Variants in RANBP3 observed in about 807,000 individuals in gnomAD.
RANBP3 encodes RAN binding protein 3, also known as ran-binding protein 3.
Under a neutral mutation model 77.3 loss-of-function variants are expected in RANBP3, and 14 were observed. That is an observed-to-expected ratio of 0.18 (90% CI 0.12 to 0.28). The LOEUF (loss-of-function observed/expected upper bound fraction) is 0.28, where lower values mean the gene tolerates loss of function less well. Ranked by LOEUF, RANBP3 falls within the 10% of genes least tolerant of loss-of-function variation. The pLI, the probability that RANBP3 is intolerant of heterozygous loss-of-function variation, is 1.00. For missense variants in RANBP3, 586 were observed against 752.3 expected, an observed-to-expected ratio of 0.78 and a Z score of 2.59; for synonymous variants, 315 against 312.4, an observed-to-expected ratio of 1.01 and a Z score of -0.09.
intron 3 of RANBP3, among the ~76,000 whole-genome samples, chr19:5,942,700 C>CAAAAA (rs11298054): frequency 3.3e-5 from 3 of 90,834 alleles, no homozygotes; most frequent in African/African-American, 4.3e-5. Context: ...GACTCTGTCT[C>CAAAAA]AAAAAAAAAA....
At chr19:5,944,940 G>A (rs1240869996) in intron 3 of RANBP3, among the ~76,000 whole-genome samples, 1 of 152,174 alleles carries the variant, frequency 6.6e-6, no homozygotes, top group African/African-American at 2.4e-5. Flanking sequence ...TGACTTCTGG[G>A]ACCAGGAGAT....
chr19:5,962,825 G>A, intron 1 of RANBP3: 1 of 448,850 alleles, frequency 2.2e-6, no homozygotes, highest in African/African-American at 2.0e-5. Context: ...CCCCATTCCA[G>A]GCAGGACCGC....
chr19:5,954,342 C>T (rs2058310451), intron 2 of RANBP3, among the ~76,000 whole-genome samples: 1 of 152,012 alleles, frequency 6.6e-6, no homozygotes, highest in African/African-American at 2.4e-5. Flanking sequence ...ATCTGAGGGG[C>T]AATTAGGACA....
chr19:5,932,582 C>G (rs1217869773), intron 6 of RANBP3, 38 bp from the exon 7 acceptor site: 1 of 1,550,946 alleles, frequency 6.4e-7, no homozygotes. Context: ...GCCCGTGGAC[C>G]CCTGCCTGCC....
At chr19:5,957,803 T>A in intron 2 of RANBP3, 115 bp downstream of exon 2, 1 of 1,110,424 alleles carries the variant, frequency 9.0e-7, no homozygotes, top group Non-Finnish European at 1.4e-6. Context: ...TCTGCTTAGG[T>A]CTCCCCGTCT....
intron 5 of RANBP3, chr19:5,934,358 G>A (rs1030210901): frequency 6.6e-6 from 1 of 152,228 alleles, no homozygotes; most frequent in Non-Finnish European, 1.5e-5. Flanking sequence ...GTAGCCCTGC[G>A]TTTGTGCTAA....
At chr19:5,929,327 C>A (rs1010735728) in intron 8 of RANBP3, among the ~76,000 whole-genome samples, 1 of 152,258 alleles carries the variant, frequency 6.6e-6, no homozygotes, top group Admixed American at 6.5e-5. Context: ...CCCAGCCCCA[C>A]TGGGGCCGCC....
chr19:5,976,070 T>G (rs1338768224), intron 1 of RANBP3, among the ~76,000 whole-genome samples: 4 of 151,978 alleles, frequency 2.6e-5, no homozygotes. Flanking sequence ...TTGGGAATAA[T>G]TTTAAGGTAG....
rs71172783 is a variant in RANBP3, at chr19:5,937,056, C to CAAAAAAAAAAAAAAAAAAAAAAAAAAAAA, written c.407-3578_407-3577insTTTTTTTTTTTTTTTTTTTTTTTTTTTTT. Among the ~76,000 whole-genome samples, 14 of 37,180 alleles carry CAAAAAAAAAAAAAAAAAAAAAAAAAAAAA rather than the reference C, an allele frequency of 3.8e-4. 1 individual carries two copies. Among genetic ancestry groups the CAAAAAAAAAAAAAAAAAAAAAAAAAAAAA allele is most frequent in the African/African-American group, 8.1e-4 (9 of 11,086 alleles). 24.4% of individuals were successfully genotyped at this position (37,180 alleles called of 152,430 possible). A position where few individuals can be genotyped will look rare whatever the true frequency, so the allele number is the denominator to read the frequency against. ...GGGCAACAGAGCAAGACTCTGTCTC[C>CAAAAAAAAAAAAAAAAAAAAAAAAAAAAA]AAAAAAAAAAAAAAAAAAAAAAAAA... On this transcript the variant is annotated intron_variant, in intron 5 of 16. Transcript: ENST00000340578.
intron 8 of RANBP3, among the ~76,000 whole-genome samples, chr19:5,930,471 C>T (rs753548068): frequency 5.0e-4 from 76 of 152,336 alleles, no homozygotes; most frequent in Non-Finnish European, 1.0e-3. Flanking sequence ...TCTCTGCCAA[C>T]TTCAAAGGAG....
chr19:5,958,281 A>T lies in RANBP3; in HGVS notation c.23-308T>A, dbSNP rs551456925. ...GTGGGAGAGCAGCGGAGAGTGTGGC[A>T]GCGCTATTTGGCGCCATGAACTGTG... On this transcript the variant is annotated intron_variant, in intron 1 of 16. Transcript: ENST00000340578. This position sits in a 1 kb window ranked among gnomAD's most constrained non-coding sequence, Gnocchi z 4.4. Among the ~76,000 whole-genome samples the T allele has an allele frequency of 3.9e-5, 6 of 152,322 alleles. No individual in the cohort carries two copies. Among genetic ancestry groups the T allele is most frequent in the Admixed American group, 3.9e-4 (6 of 15,300 alleles).
In RANBP3 at chr19:5,933,218, C is replaced by T. The variant is rs55776419; in HGVS notation, c.472+196G>A. The T allele has an allele frequency of 6.0e-3, 3,168 of 525,982 alleles. 23 individuals carry two copies. The highest frequency in any genetic ancestry group is 8.8e-3 in the Admixed American group (244 of 27,660). The allele number at this position is 525,982 out of a possible 1,614,324, so 32.6% of individuals were successfully genotyped here. ...ACCACTGCCCACTTTTCTGAACACA[C>T]GACGCTCACAGTCAGGGGTCCCAAC... On this transcript the variant is annotated intron_variant, in intron 6 of 16. Transcript: ENST00000340578.
chr19:5,933,318 A>G, intron 6 of RANBP3, 96 bp downstream of exon 6: 1 of 974,218 alleles, frequency 1.0e-6, no homozygotes, highest in Non-Finnish European at 1.5e-6. Flanking sequence ...ATCTTTCTAG[A>G]AAGCAGGCTG....
In RANBP3 at chr19:5,931,270, C is replaced by G. The variant is rs547945515; in HGVS notation, c.693+134G>C. ...GAGCCTACTGAGCAAATCCAGAGAG[C>G]CTTACAATAGGCCCACGTGGAAACT... On this transcript the variant is annotated intron_variant, in intron 8 of 16. Coordinates refer to ENST00000340578, the MANE Select transcript of RANBP3 (RefSeq NM_007322.3). The G allele has an allele frequency of 5.1e-5, 52 of 1,013,900 alleles. No individual in the cohort carries two copies. The African/African-American group carries it at 7.7e-4, about 15-fold the overall frequency. The allele number at this position is 1,013,900 out of a possible 1,614,324, so 62.8% of individuals were successfully genotyped here.
At position 5,921,866 on chromosome 19, in the gene RANBP3, C is replaced by T. The variant is rs1357578194; in HGVS notation, c.1210-545G>A. Reference sequence around the variant, plus strand: ...GTCCGCCCCTACAGCGCATCTCACTCAGTCTTAATAAAGAACAAGGCTCCG... The same window carrying T: ...GTCCGCCCCTACAGCGCATCTCACTTAGTCTTAATAAAGAACAAGGCTCCG... On this transcript the variant is annotated intron_variant, in intron 13 of 16. Transcript: ENST00000340578. This position sits in a 1 kb window ranked among gnomAD's most constrained non-coding sequence, Gnocchi z 5.3. 6.6e-6 allele frequency among the ~76,000 whole-genome samples: 1 copy of T among 152,222 alleles called. No individual in the cohort carries two copies. The highest frequency in any genetic ancestry group is 6.5e-5 in the Admixed American group (1 of 15,284).
intron 5 of RANBP3, among the ~76,000 whole-genome samples, chr19:5,940,514 G>A (rs1368664791): frequency 2.0e-5 from 3 of 152,146 alleles, no homozygotes; most frequent in Admixed American, 1.3e-4. Context: ...AAAAAGACGC[G>A]GCCATGTCCA....
At chr19:5,956,341 A>G (rs878858812) in intron 2 of RANBP3, among the ~76,000 whole-genome samples, 12 of 152,124 alleles carry the variant, frequency 7.9e-5, no homozygotes, top group Admixed American at 3.9e-4. Flanking sequence ...TATTCTCTAA[A>G]ACTAGAGAAA....
rs2058366206 is a variant in RANBP3 at position 5,958,828 on chromosome 19, C to T, written c.23-855G>A. 6.6e-6 allele frequency among the ~76,000 whole-genome samples: 1 copy of T among 152,252 alleles called. No individual in the cohort carries two copies. Among genetic ancestry groups the T allele is most frequent in the Admixed American group, 6.5e-5 (1 of 15,290 alleles). On this transcript the variant is annotated intron_variant, in intron 1 of 16. Coordinates refer to ENST00000340578, the MANE Select transcript of RANBP3 (RefSeq NM_007322.3). This position sits in a 1 kb window ranked among gnomAD's most constrained non-coding sequence, Gnocchi z 4.4. ...TGCTCCCAGGGCCTCTTTCACCATT[C>T]AGGGCACTGAGGGCCTAGCGTGGAG...
At chr19:5,960,262 C>T (rs1439903953) in intron 1 of RANBP3, among the ~76,000 whole-genome samples, 1 of 152,206 alleles carries the variant, frequency 6.6e-6, no homozygotes, top group Non-Finnish European at 1.5e-5. Flanking sequence ...TTTGCTTAAG[C>T]CAGTTTGAGC....
Sources: allele counts gnomAD v4.1 joint callset (sites outside exome capture counted in the v4.1 genomes callset), GRCh38; gene constraint gnomAD v4.1.1; non-coding constraint Gnocchi (gnomAD v3.1); transcripts MANE v1.5; gene names NCBI Gene and HGNC (gene_info 2026-07-23, HGNC 2026-07-21).